The following VMA22 variants were observed in gnomAD, a reference collection of about 807,000 sequenced individuals.
The protein encoded by VMA22 is vacuolar ATPase assembly protein VMA22.
chr2:130,339,290 G>C, the VMA22 span: 1 of 1,486,244 alleles, frequency 6.7e-7, no homozygotes, highest in Non-Finnish European at 9.3e-7. Flanking sequence ...CGACCCAGGA[G>C]GATCTGGATA....
chr2:130,342,586 T>G, the VMA22 span: 1 of 460,928 alleles, frequency 2.2e-6, no homozygotes, highest in Non-Finnish European at 3.9e-6. Flanking sequence ...TAATTATGAT[T>G]GTTTTAGCGG....
the VMA22 span, chr2:130,340,704 C>A: frequency 1.6e-6 from 1 of 614,710 alleles, no homozygotes; most frequent in Non-Finnish European, 2.9e-6. Flanking sequence ...CCTGCTGTAT[C>A]CCCAGCAGCT....
the VMA22 span, chr2:130,342,325 T>A: frequency 2.1e-6 from 2 of 966,172 alleles, no homozygotes; most frequent in Non-Finnish European, 1.5e-6. Flanking sequence ...ACCAATCAAC[T>A]GGTTTCTCCA....
chr2:130,342,290 C>A, the VMA22 span: 1 of 1,380,828 alleles, frequency 7.2e-7, no homozygotes, highest in Non-Finnish European at 9.8e-7. Context: ...AGGGCAAGCG[C>A]CCTTAGAGAA....
At chr2:130,341,805 G>GGCC in the VMA22 span, 1 of 272,768 alleles carries the variant, frequency 3.7e-6, no homozygotes, top group Non-Finnish European at 6.8e-6. Flanking sequence ...GAACGCGCCC[G>GGCC]CCCGCCCACC....
At chr2:130,340,042 C>A in the VMA22 span, 1 of 229,772 alleles carries the variant, frequency 4.4e-6, no homozygotes. Flanking sequence ...ACCACACCAA[C>A]TCCTGCCTTC....
the VMA22 span, chr2:130,339,849 G>A: frequency 8.0e-7 from 1 of 1,255,164 alleles, no homozygotes; most frequent in Non-Finnish European, 1.0e-6. Context: ...CAGGCCCTCT[G>A]CTGATCTCAT....
At chr2:130,339,955 C>A in the VMA22 span, 1 of 692,122 alleles carries the variant, frequency 1.4e-6, no homozygotes, top group Non-Finnish European at 2.0e-6. Context: ...CCAGCCCAGG[C>A]CTCTCCCAAA....
the VMA22 span, chr2:130,342,573 C>T: frequency 6.5e-6 from 3 of 459,054 alleles, no homozygotes; most frequent in Admixed American, 3.8e-5. Flanking sequence ...TGTTTCCAGC[C>T]GCTAATTATG....
the VMA22 span, chr2:130,342,629 G>A: frequency 2.1e-6 from 1 of 481,434 alleles, no homozygotes; most frequent in South Asian, 3.2e-5. Flanking sequence ...CTGCACGGCG[G>A]TGGTGGGGGG....
At chr2:130,340,237 G>A in the VMA22 span, 1 of 164,006 alleles carries the variant, frequency 6.1e-6, no homozygotes, top group South Asian at 1.5e-4. Flanking sequence ...TCCTCCTCCA[G>A]TGACGCTATC....
At chr2:130,342,633 T>G in the VMA22 span, 5 of 478,268 alleles carry the variant, frequency 1.0e-5, no homozygotes, top group Non-Finnish European at 1.9e-5. Context: ...ACGGCGGTGG[T>G]GGGGGGAGGA....
the VMA22 span, chr2:130,339,124 G>A: frequency 8.4e-4 from 1,355 of 1,613,014 alleles, 2 homozygotes; most frequent in Non-Finnish European, 9.9e-4. Flanking sequence ...CGCATGTCAG[G>A]CAGCCCCAGG....
At chr2:130,341,696 GC>G in the VMA22 span, 2 of 1,611,704 alleles carry the variant, frequency 1.2e-6, no homozygotes, top group Non-Finnish European at 1.7e-6. Context: ...CTCCTCTGGG[GC>G]GTGGACACCA....
At chr2:130,341,658 G>A in the VMA22 span, 1 of 1,608,050 alleles carries the variant, frequency 6.2e-7, no homozygotes, top group Non-Finnish European at 8.5e-7. Context: ...GAAGGAAGAG[G>A]GGGCTCACCT....
the VMA22 span, chr2:130,342,145 G>T: frequency 6.2e-7 from 1 of 1,612,514 alleles, no homozygotes; most frequent in Non-Finnish European, 8.5e-7. Context: ...TCCAGATCTG[G>T]AGCCACCTTC....
the VMA22 span, chr2:130,340,010 GGC>G: frequency 0.012 from 4,024 of 344,514 alleles, 161 homozygotes; most frequent in African/African-American, 0.079. Flanking sequence ...TCTCCAGCAG[GGC>G]GTCGGTGGAT....
the VMA22 span, chr2:130,340,788 G>A: frequency 7.9e-7 from 1 of 1,260,826 alleles, no homozygotes. Context: ...CGGAAGTTTG[G>A]ATGGAGGAAA....
the VMA22 span, chr2:130,340,861 G>C: frequency 3.1e-6 from 5 of 1,611,926 alleles, no homozygotes; most frequent in Non-Finnish European, 4.2e-6. Context: ...GTTCCCTGTG[G>C]ATAGAGGGTC....
Sources: allele counts gnomAD v4.1 joint callset, GRCh38; gene constraint gnomAD v4.1.1; transcripts MANE v1.5; gene names NCBI Gene and HGNC (gene_info 2026-07-23, HGNC 2026-07-21).